ACOX3: variants seen among roughly 807,000 people sequenced by gnomAD.
The protein encoded by ACOX3 is acyl-CoA oxidase 3, pristanoyl, also known as peroxisomal acyl-coenzyme A oxidase 3.
Under a neutral mutation model 81.5 loss-of-function variants are expected in ACOX3, and 73 were observed. The observed-to-expected ratio is 0.90, with a 90% CI of 0.74 to 1.09. The LOEUF (loss-of-function observed/expected upper bound fraction) is 1.09, where lower values mean the gene tolerates loss of function less well. ACOX3 is among the 50% of genes least tolerant of loss of function. The pLI is 0.00. For synonymous variants in ACOX3, 387 were observed against 375.1 expected (o/e 1.03, Z -0.37); for missense variants, 947 against 928.0 (o/e 1.02, Z -0.27).
At chr4:8,379,174 C>T (rs748037034) in intron 14 of ACOX3, among the ~76,000 whole-genome samples, 81 of 152,220 alleles carry the variant, frequency 5.3e-4, no homozygotes, top group Non-Finnish European at 8.8e-4. Context: ...CAGCCAAATC[C>T]GATGGTTTTT....
intron 1 of ACOX3, among the ~76,000 whole-genome samples, chr4:8,417,697 A>G (rs56727681): frequency 0.025 from 3,870 of 152,352 alleles, 159 homozygotes; most frequent in African/African-American, 0.087. Context: ...AGAAAATAAT[A>G]AAAGATAGAG....
At chr4:8,390,647 A>G (rs1208051789) in intron 11 of ACOX3, among the ~76,000 whole-genome samples, 2 of 152,140 alleles carry the variant, frequency 1.3e-5, no homozygotes, top group African/African-American at 4.8e-5. Flanking sequence ...AGACCCTCAC[A>G]CACTTGAGCC....
intron 9 of ACOX3, among the ~76,000 whole-genome samples, chr4:8,395,676 A>T (rs1719613179): frequency 6.6e-6 from 1 of 152,234 alleles, no homozygotes; most frequent in African/African-American, 2.4e-5. Flanking sequence ...CTTGGTGGTA[A>T]GGCCAGGCAT....
At position 8,389,771 on chromosome 4, in the gene ACOX3, G is replaced by A. The variant is rs747995279; in HGVS notation, c.1301-37C>T. 69 of 1,606,738 alleles carry A rather than the reference G, an allele frequency of 4.3e-5. No homozygotes were observed. Among genetic ancestry groups the A allele is most frequent in the East Asian group, 4.5e-5 (2 of 44,702 alleles). On this transcript the variant is annotated intron_variant, in intron 11 of 17. Coordinates refer to ENST00000356406, the MANE Select transcript of ACOX3 (RefSeq NM_003501.3). This position sits in a 1 kb window ranked among gnomAD's most constrained non-coding sequence, Gnocchi z 5.3. ...CCACAATAGTACCATCATTTAAGAC[G>A]CATATTTGAGAAGCAGCCTGTCACT...
intron 1 of ACOX3, among the ~76,000 whole-genome samples, chr4:8,421,218 G>C (rs1722905144): frequency 6.6e-6 from 1 of 152,202 alleles, no homozygotes; most frequent in Non-Finnish European, 1.5e-5. Context: ...CTTAGAATTG[G>C]AGGAAAATAC....
rs745471901 is a variant in ACOX3 at position 8,389,626 on chromosome 4, GC to G, written c.1408del (p.Ala470HisfsTer14). ...CAGAGCCTCACCGTGGACCTGGTGT[GC>G]CAGGAGACCCAGCAAATAGTTGCTT... ...QTSNYLLGLL[A>X]HQVHDGACFR... On this transcript the variant is annotated frameshift_variant, in exon 12 of 18. Transcript: ENST00000356406. LOFTEE classifies it high-confidence loss of function. The surrounding 1 kb of genome is among the most constrained non-coding windows in gnomAD (Gnocchi z 5.3). 5.0e-6 allele frequency: 8 copies of G among 1,613,902 alleles called. No individual in the cohort carries two copies. The highest frequency in any genetic ancestry group is 6.8e-6 in the Non-Finnish European group (8 of 1,180,014).
intron 1 of ACOX3, chr4:8,428,267 C>G (rs1723702428): frequency 6.5e-6 from 1 of 153,068 alleles, no homozygotes; most frequent in African/African-American, 2.4e-5. Context: ...CCGCTCCCGC[C>G]CCGTCGCGTC....
chr4:8,377,202 G>A (rs1452456447), intron 14 of ACOX3, among the ~76,000 whole-genome samples: 1 of 152,182 alleles, frequency 6.6e-6, no homozygotes, highest in Non-Finnish European at 1.5e-5. Flanking sequence ...TCCCAGCAGG[G>A]CCCAGGCACA....
rs1717630078 is a variant in ACOX3 at position 8,381,409 on chromosome 4, G to A, written c.1653+83C>T. Reference sequence around the variant, plus strand: ...TCGGGGTCTGGGGCCTGAATTGCCAGGATGTTCAAACTCCCAGGGACACAA... The same window carrying A: ...TCGGGGTCTGGGGCCTGAATTGCCAAGATGTTCAAACTCCCAGGGACACAA... On this transcript the variant is annotated intron_variant, in intron 14 of 17. Coordinates refer to ENST00000356406, the MANE Select transcript of ACOX3 (RefSeq NM_003501.3). The surrounding 1 kb of genome is among the most constrained non-coding windows in gnomAD (Gnocchi z 4.3). 3.8e-6 allele frequency: 5 copies of A among 1,299,318 alleles called. No individual in the cohort carries two copies. The East Asian group carries it at 1.2e-4, about 30-fold the overall frequency. The allele number at this position is 1,299,318 out of a possible 1,614,324, so 80.5% of individuals were successfully genotyped here.
intron 13 of ACOX3, among the ~76,000 whole-genome samples, chr4:8,387,251 C>A (rs1718422384): frequency 6.6e-6 from 1 of 152,236 alleles, no homozygotes. Flanking sequence ...GGGGTACCAT[C>A]CCCGTCCCCG....
downstream of ACOX3, chr4:8,366,134 C>G (rs1715419533): frequency 6.6e-6 from 1 of 152,422 alleles, no homozygotes; most frequent in Non-Finnish European, 1.5e-5. Context: ...AAGCCCATGG[C>G]CCTGCAGGGA....
chr4:8,436,221 C>T (rs1579012874), intron 1 of ACOX3: 1 of 152,208 alleles, frequency 6.6e-6, no homozygotes, highest in East Asian at 1.9e-4. Context: ...CAAGTTTACT[C>T]TAGCAGACCT....
chr4:8,405,838 T>G lies in ACOX3; in HGVS notation c.776+117A>C. ...GGCTAGGCGTAGGTCCCCACCGCAT[T>G]TGAGTCTAAGAGGGCAGGGCATGGC... On this transcript the variant is annotated intron_variant, in intron 7 of 17. Transcript: ENST00000356406. The surrounding 1 kb of genome is among the most constrained non-coding windows in gnomAD (Gnocchi z 7.1). 3 of 1,051,822 alleles carry G rather than the reference T, an allele frequency of 2.9e-6. No individual in the cohort carries two copies. The highest frequency in any genetic ancestry group is 4.4e-6 in the Non-Finnish European group (3 of 681,136). 65.2% of individuals were successfully genotyped at this position (1,051,822 alleles called of 1,614,324 possible). A position where few individuals can be genotyped will look rare whatever the true frequency, so the allele number is the denominator to read the frequency against.
Position 8,367,085 on chromosome 4 carries a change from A to G in ACOX3, c.1984-5T>C, listed in dbSNP as rs553441899. 3.4e-5 allele frequency: 55 copies of G among 1,613,788 alleles called. No individual in the cohort carries two copies. In the East Asian group the frequency reaches 1.2e-3, roughly 36 times the overall value. On this transcript the variant is annotated splice_region_variant and splice_polypyrimidine_tract_variant and intron_variant, in intron 17 of 17. Coordinates refer to ENST00000356406, the MANE Select transcript of ACOX3 (RefSeq NM_003501.3). ...GCCCCAGAGGTTTTTGTAGAGCTGC[A>G]AACAACACGTACACAGCAAGTGAAG...
intron 3 of ACOX3, among the ~76,000 whole-genome samples, chr4:8,415,417 AT>A (rs202191106): frequency 3.5e-4 from 52 of 146,754 alleles, no homozygotes; most frequent in African/African-American, 7.5e-4. Flanking sequence ...AAATTTTTTT[AT>A]TTTTTTTTTA....
intron 13 of ACOX3, among the ~76,000 whole-genome samples, chr4:8,387,708 A>C (rs1429863811): frequency 1.3e-5 from 2 of 152,154 alleles, no homozygotes; most frequent in African/African-American, 2.4e-5. Context: ...TCGCACCCAG[A>C]CCACTGGGCA....
chr4:8,431,758 C>T lies in ACOX3; in HGVS notation c.-15+8890G>A, dbSNP rs1021576962. Among the ~76,000 whole-genome samples the T allele has an allele frequency of 6.6e-6, 1 of 152,162 alleles. No individual in the cohort carries two copies. Among genetic ancestry groups the T allele is most frequent in the Non-Finnish European group, 1.5e-5 (1 of 68,052 alleles). Reference sequence around the variant, plus strand: ...ACTGCCATAGGGCCTCACCCACCCCCTCTCTTGTTTATCTTGACTTCTGTC... The same window carrying T: ...ACTGCCATAGGGCCTCACCCACCCCTTCTCTTGTTTATCTTGACTTCTGTC... On this transcript the variant is annotated intron_variant, in intron 1 of 17. Coordinates refer to ENST00000356406, the MANE Select transcript of ACOX3 (RefSeq NM_003501.3). This position sits in a 1 kb window ranked among gnomAD's most constrained non-coding sequence, Gnocchi z 5.3.
intron 1 of ACOX3, among the ~76,000 whole-genome samples, chr4:8,439,711 C>T (rs1724481437): frequency 6.6e-6 from 1 of 152,178 alleles, no homozygotes; most frequent in African/African-American, 2.4e-5. Context: ...TAGTTTCCAG[C>T]TATAAGAGAA....
chr4:8,418,086 T>C (rs1231403125), intron 1 of ACOX3, among the ~76,000 whole-genome samples: 1 of 152,192 alleles, frequency 6.6e-6, no homozygotes, highest in African/African-American at 2.4e-5. Context: ...CCATTGTGAA[T>C]TCTGCCAAAC....
Sources: allele counts gnomAD v4.1 joint callset (sites outside exome capture counted in the v4.1 genomes callset), GRCh38; gene constraint gnomAD v4.1.1; non-coding constraint Gnocchi (gnomAD v3.1); transcripts MANE v1.5; gene names NCBI Gene and HGNC (gene_info 2026-07-23, HGNC 2026-07-21).